PIK3CA: variants seen among roughly 807,000 people sequenced by gnomAD.
The protein encoded by PIK3CA is phosphatidylinositol-4,5-bisphosphate 3-kinase catalytic subunit alpha.
A neutral mutation model predicts 138.2 loss-of-function variants in PIK3CA; 27 were observed. The ratio of observed to expected loss-of-function variants is 0.20; its 90% confidence interval spans 0.14 to 0.27. The LOEUF (loss-of-function observed/expected upper bound fraction) is 0.27, where lower values mean the gene tolerates loss of function less well. Among genes scored for constraint, PIK3CA ranks in the 10% least tolerant of loss-of-function variants. The pLI, the probability that PIK3CA is intolerant of heterozygous loss-of-function variation, is 1.00. For missense variants in PIK3CA, 544 were observed against 1,277.4 expected (o/e 0.43, Z 8.75); for synonymous variants, 358 against 413.2 (o/e 0.87, Z 1.62).
chr3:179,222,407 A>G (rs1293426640), intron 14 of PIK3CA, among the ~76,000 whole-genome samples: 7 of 152,220 alleles, frequency 4.6e-5, no homozygotes, highest in Admixed American at 4.6e-4. Context: ...CCCTGGAAGA[A>G]CAAAATTTAT....
chr3:179,163,261 C>G (rs528430104), intron 1 of PIK3CA, among the ~76,000 whole-genome samples: 7 of 152,108 alleles, frequency 4.6e-5, no homozygotes, highest in Non-Finnish European at 8.8e-5. Context: ...TAAACTTATG[C>G]CTAGTGTCAT....
In PIK3CA at chr3:179,148,542, C is replaced by T. The variant is rs149946088; in HGVS notation, c.-138C>T. 549 of 152,350 alleles carry T rather than the reference C, an allele frequency of 3.6e-3. 1 individual carries two copies. The highest frequency in any genetic ancestry group is 5.9e-3 in the Non-Finnish European group (405 of 68,256). The allele number at this position is 152,350 out of a possible 1,614,324, so 9.4% of individuals were successfully genotyped here. Reference sequence around the variant, plus strand: ...CTCTCCTCTCCCTCGGCGCCGCCGCCGCCGCCCGCGGGGCTGGGACCCGAT... The same window carrying T: ...CTCTCCTCTCCCTCGGCGCCGCCGCTGCCGCCCGCGGGGCTGGGACCCGAT... On this transcript the variant is annotated 5_prime_UTR_variant, in exon 1 of 21. Coordinates refer to ENST00000263967, the MANE Select transcript of PIK3CA (RefSeq NM_006218.4).
Position 179,201,316 on chromosome 3 carries a change from A to G in PIK3CA, c.589A>G (p.Ile197Val). The G allele has an allele frequency of 1.2e-6, 2 of 1,612,740 alleles. No individual in the cohort carries two copies. Among genetic ancestry groups the G allele is most frequent in the South Asian group, 1.1e-5 (1 of 91,034 alleles). Reference sequence around the variant, plus strand: ...GCAAATAATAGTGGTGATCTGGGTAATAGTTTCTCCAAATAATGACAAGCA... The same window carrying G: ...GCAAATAATAGTGGTGATCTGGGTAGTAGTTTCTCCAAATAATGACAAGCA... ...KGQIIVVIWV[I>V]VSPNNDKQKY... The change falls in exon 4 of 21, where the codon ATA (isoleucine) becomes GTA (valine). Residue 197 changes from isoleucine to valine, a missense_variant. Ile to Val is a conservative substitution (Grantham distance 29, BLOSUM62 3). Transcript: ENST00000263967.
Position 179,220,868 on chromosome 3 carries a change from T to C in PIK3CA, c.2016-118T>C, listed in dbSNP as rs1480538612. The C allele has an allele frequency of 7.5e-6, 4 of 533,032 alleles. No individual in the cohort carries two copies. Among genetic ancestry groups the C allele is most frequent in the Non-Finnish European group, 1.2e-5 (4 of 326,650 alleles). 33.0% of individuals were successfully genotyped at this position (533,032 alleles called of 1,614,324 possible). On this transcript the variant is annotated intron_variant, in intron 13 of 20. Coordinates refer to ENST00000263967, the MANE Select transcript of PIK3CA (RefSeq NM_006218.4). This position sits in a 1 kb window ranked among gnomAD's most constrained non-coding sequence, Gnocchi z 4.1. ...AGGTTTTGAATAATTTTATTATTAG[T>C]ATGATTGTAACATTTATTGGATTTC... is the stretch of plus-strand genomic sequence containing the variant.
chr3:179,167,527 ATTAC>A (rs1723450069), intron 1 of PIK3CA, among the ~76,000 whole-genome samples: 1 of 152,138 alleles, frequency 6.6e-6, no homozygotes, highest in Non-Finnish European at 1.5e-5. Flanking sequence ...GTTATATATA[ATTAC>A]TTTTTAAATT....
At chr3:179,148,269 A>T (rs1424354258), upstream of PIK3CA, 1 of 151,918 alleles carries the variant, frequency 6.6e-6, no homozygotes, top group Non-Finnish European at 1.5e-5. Context: ...CAAAAGGAAA[A>T]AAAAACAGGG....
At chr3:179,156,016 G>A (rs938541361) in intron 1 of PIK3CA, among the ~76,000 whole-genome samples, 1 of 152,146 alleles carries the variant, frequency 6.6e-6, no homozygotes, top group Admixed American at 6.5e-5. Flanking sequence ...GAGATTCCTA[G>A]TATGTTAAAG....
intron 8 of PIK3CA, 36 bp downstream of exon 8, chr3:179,210,374 A>T (rs756387586): frequency 6.3e-7 from 1 of 1,583,054 alleles, no homozygotes; most frequent in Admixed American, 2.0e-5. Flanking sequence ...GATATTTTTT[A>T]TGGCAGTCAA....
At chr3:179,182,540 C>T (rs1003875225) in intron 1 of PIK3CA, among the ~76,000 whole-genome samples, 4 of 152,074 alleles carry the variant, frequency 2.6e-5, no homozygotes, top group Non-Finnish European at 5.9e-5. Context: ...GTAGCACACA[C>T]AGGTAGTCCT....
rs148682354 is a variant in PIK3CA at position 179,186,175 on chromosome 3, G to A, written c.-76-12575G>A. 1.5e-3 allele frequency among the ~76,000 whole-genome samples: 235 copies of A among 152,348 alleles called. 1 individual carries two copies. The East Asian group carries it at 0.029, about 19-fold the overall frequency. On this transcript the variant is annotated intron_variant, in intron 1 of 20. Coordinates refer to ENST00000263967, the MANE Select transcript of PIK3CA (RefSeq NM_006218.4). ...GGAGATTCCAAGGAATTTAGGAGCTGTGTGCCAGGAGAGAGGACAGAGACT... is the reference window on the plus strand; with the variant it reads ...GGAGATTCCAAGGAATTTAGGAGCTATGTGCCAGGAGAGAGGACAGAGACT...
chr3:179,239,355 A>G lies in PIK3CA; in HGVS notation c.*4991A>G, dbSNP rs1725394368. The G allele has an allele frequency of 5.0e-6, 1 of 200,318 alleles. No homozygotes were observed. 12.4% of individuals were successfully genotyped at this position (200,318 alleles called of 1,614,324 possible). A position where few individuals can be genotyped will look rare whatever the true frequency, so the allele number is the denominator to read the frequency against. On this transcript the variant is annotated 3_prime_UTR_variant, in exon 21 of 21. Coordinates refer to ENST00000263967, the MANE Select transcript of PIK3CA (RefSeq NM_006218.4). ...TTCTAGGTTGGCAAGGAGGCAGAAA[A>G]CCTTCATTGTTTCATATTAAAATAT...
At chr3:179,158,778 C>CT (rs1205240984) in intron 1 of PIK3CA, among the ~76,000 whole-genome samples, 2 of 152,176 alleles carry the variant, frequency 1.3e-5, no homozygotes, top group African/African-American at 4.8e-5. Context: ...AGTTCAATCT[C>CT]TAAGTCTTTG....
At chr3:179,158,887 G>A (rs773550465) in intron 1 of PIK3CA, among the ~76,000 whole-genome samples, 1 of 151,706 alleles carries the variant, frequency 6.6e-6, no homozygotes, top group Non-Finnish European at 1.5e-5. Flanking sequence ...ATGTAAATGA[G>A]ACTATTCACT....
chr3:179,186,683 A>C (rs1723990126), intron 1 of PIK3CA, among the ~76,000 whole-genome samples: 1 of 152,212 alleles, frequency 6.6e-6, no homozygotes, highest in Non-Finnish European at 1.5e-5. Context: ...TCATCAATAT[A>C]GGTTTGGTTA....
chr3:179,170,466 A>G (rs1446790483), intron 1 of PIK3CA, among the ~76,000 whole-genome samples: 1 of 152,210 alleles, frequency 6.6e-6, no homozygotes, highest in African/African-American at 2.4e-5. Context: ...TAATTGTATT[A>G]GTATAAAAGT....
chr3:179,174,973 C>G (rs1031965662), intron 1 of PIK3CA, among the ~76,000 whole-genome samples: 41 of 152,268 alleles, frequency 2.7e-4, no homozygotes, highest in African/African-American at 9.1e-4. Context: ...CCTATAATAT[C>G]CTTCATAGAG....
intron 1 of PIK3CA, among the ~76,000 whole-genome samples, chr3:179,170,477 G>A (rs1398717862): frequency 6.6e-6 from 1 of 152,126 alleles, no homozygotes. Context: ...GTATAAAAGT[G>A]TGATAAACAT....
chr3:179,176,013 T>G (rs1298615010), intron 1 of PIK3CA, among the ~76,000 whole-genome samples: 1 of 152,208 alleles, frequency 6.6e-6, no homozygotes, highest in African/African-American at 2.4e-5. Context: ...TCACAATTTT[T>G]CTTTAGGTTA....
At chr3:179,204,944 C>T (rs1576935455) in intron 6 of PIK3CA, among the ~76,000 whole-genome samples, 1 of 141,084 alleles carries the variant, frequency 7.1e-6, no homozygotes, top group Non-Finnish European at 1.5e-5. Context: ...TCGCTTGAAC[C>T]TGGAAGGCTG....
Sources: allele counts gnomAD v4.1 joint callset (sites outside exome capture counted in the v4.1 genomes callset), GRCh38; gene constraint gnomAD v4.1.1; non-coding constraint Gnocchi (gnomAD v3.1); transcripts MANE v1.5; gene names NCBI Gene and HGNC (gene_info 2026-07-23, HGNC 2026-07-21).